DOCK5: variants seen among roughly 807,000 people sequenced by gnomAD.
DOCK5 encodes dedicator of cytokinesis 5.
Under a neutral mutation model 251.8 loss-of-function variants are expected in DOCK5, and 142 were observed. That is an observed-to-expected ratio of 0.56 (90% CI 0.49 to 0.65). DOCK5 has a LOEUF of 0.65. Ranked by LOEUF, DOCK5 falls within the 30% of genes least tolerant of loss-of-function variation. DOCK5 has a pLI of 0.00. For missense variants in DOCK5, 2,111 were observed against 2,312.3 expected, an observed-to-expected ratio of 0.91 and a Z score of 1.79; for synonymous variants, 842 against 835.5, an observed-to-expected ratio of 1.01 and a Z score of -0.13.
rs1166341399 is a variant in DOCK5 at position 25,324,608 on chromosome 8, TA to T, written c.1719+659del. ...AATCATTTTGGAAGGGATGGCAAGC[TA>T]ATTCTTCTTCCATCAACCCAATAAA... On this transcript the variant is annotated intron_variant, in intron 17 of 51. Transcript: ENST00000276440. Among the ~76,000 whole-genome samples, 3 of 152,378 alleles carry T rather than the reference TA, an allele frequency of 2.0e-5. No homozygotes were observed. In the East Asian group the frequency reaches 5.8e-4, roughly 29 times the overall value.
At chr8:25,244,304 C>T (rs937303075) in intron 2 of DOCK5, among the ~76,000 whole-genome samples, 1 of 152,202 alleles carries the variant, frequency 6.6e-6, no homozygotes, top group African/African-American at 2.4e-5. Context: ...GGCTGCGGGG[C>T]AGTACTTAGG....
At chr8:25,280,349 A>C (rs940241461) in intron 5 of DOCK5, among the ~76,000 whole-genome samples, 1 of 152,228 alleles carries the variant, frequency 6.6e-6, no homozygotes, top group African/African-American at 2.4e-5. Context: ...AATCTTAATA[A>C]GTTACTGGGA....
chr8:25,375,713 G>A lies in DOCK5; in HGVS notation c.3816+1059G>A, dbSNP rs560971601. 1.3e-5 allele frequency: 13 copies of A among 984,554 alleles called. No individual in the cohort carries two copies. In the East Asian group the frequency reaches 4.5e-4, roughly 34 times the overall value. The allele number at this position is 984,554 out of a possible 1,614,324, so 61.0% of individuals were successfully genotyped here. Reference sequence around the variant, plus strand: ...CTAAAGTAATATATGGGCATTGTCCGAACATATGAGTTAAAAATAGGATTC... The same window carrying A: ...CTAAAGTAATATATGGGCATTGTCCAAACATATGAGTTAAAAATAGGATTC... On this transcript the variant is annotated intron_variant, in intron 37 of 51. Coordinates refer to ENST00000276440, the MANE Select transcript of DOCK5 (RefSeq NM_024940.8).
chr8:25,407,698 C>T (rs1801546415), intron 48 of DOCK5, among the ~76,000 whole-genome samples: 1 of 151,204 alleles, frequency 6.6e-6, no homozygotes, highest in Non-Finnish European at 1.5e-5. Flanking sequence ...AGTTTGAGAC[C>T]AGCCTGGGCA....
Position 25,300,806 on chromosome 8 carries a change from T to A in DOCK5, c.846+149T>A, listed in dbSNP as rs1231851508. 11 of 796,696 alleles carry A rather than the reference T, an allele frequency of 1.4e-5. No individual in the cohort carries two copies. The South Asian group carries it at 2.2e-4, about 16-fold the overall frequency. 49.4% of individuals were successfully genotyped at this position (796,696 alleles called of 1,614,324 possible). Reference sequence around the variant, plus strand: ...GAATAACCCACCCATTTATTCAACATGTACTTCAATGCCAGGCACTGATTT... The same window carrying A: ...GAATAACCCACCCATTTATTCAACAAGTACTTCAATGCCAGGCACTGATTT... On this transcript the variant is annotated intron_variant, in intron 9 of 51. Transcript: ENST00000276440.
rs185833553 is a variant in DOCK5, at chr8:25,222,904, C to T, written c.44-20770C>T. 4.6e-5 allele frequency among the ~76,000 whole-genome samples: 7 copies of T among 152,330 alleles called. No homozygotes were observed. The East Asian group carries it at 1.4e-3, about 30-fold the overall frequency. ...GTGCCCTTGGCAGCTACGTCGCCAG[C>T]AGATGACACCCCAAGTAATGCCCTT... On this transcript the variant is annotated intron_variant, in intron 1 of 51. Transcript: ENST00000276440.
At chr8:25,340,359 A>G (rs1269216559) in intron 22 of DOCK5, among the ~76,000 whole-genome samples, 1 of 152,196 alleles carries the variant, frequency 6.6e-6, no homozygotes, top group Non-Finnish European at 1.5e-5. Flanking sequence ...GTGTGCATGA[A>G]ATTTTGAATT....
At chr8:25,277,877 G>A (rs1193740644) in intron 4 of DOCK5, among the ~76,000 whole-genome samples, 2 of 152,072 alleles carry the variant, frequency 1.3e-5, no homozygotes, top group African/African-American at 4.8e-5. Flanking sequence ...ATTGAGCCTG[G>A]CAGTCCTACC....
rs1801390647 is a variant in DOCK5, at chr8:25,184,905, C to G, written c.-4C>G. The G allele has an allele frequency of 1.4e-6, 2 of 1,418,758 alleles. No homozygotes were observed. Among genetic ancestry groups the G allele is most frequent in the Admixed American group, 5.2e-5 (2 of 38,320 alleles). 87.9% of individuals were successfully genotyped at this position (1,418,758 alleles called of 1,614,324 possible). ...CGCCGCCGCCGCGGGGCGAGGTCGC[C>G]GCCATGGCCCGCTGGATCCCGACCA... On this transcript the variant is annotated 5_prime_UTR_variant, in exon 1 of 52. Transcript: ENST00000276440.
intron 22 of DOCK5, among the ~76,000 whole-genome samples, chr8:25,339,182 C>T (rs900290805): frequency 1.3e-5 from 2 of 152,178 alleles, no homozygotes; most frequent in African/African-American, 4.8e-5. Context: ...CCTGGGCCCC[C>T]TGTTGCCTTC....
intron 1 of DOCK5, among the ~76,000 whole-genome samples, chr8:25,194,535 C>CTGA (rs1281941757): frequency 1.3e-5 from 2 of 152,104 alleles, no homozygotes; most frequent in African/African-American, 4.8e-5. Context: ...CTTTATCTAC[C>CTGA]TGATAACAAG....
At chr8:25,278,290 C>G (rs990374517) in intron 4 of DOCK5, among the ~76,000 whole-genome samples, 9 of 149,648 alleles carry the variant, frequency 6.0e-5, no homozygotes, top group Non-Finnish European at 1.0e-4. Flanking sequence ...CAGCCTGGCT[C>G]AGTAATCGAG....
At chr8:25,229,080 A>T (rs1036015034) in intron 1 of DOCK5, among the ~76,000 whole-genome samples, 1 of 152,114 alleles carries the variant, frequency 6.6e-6, no homozygotes, top group Non-Finnish European at 1.5e-5. Context: ...AAAAAAAAAA[A>T]AAAAAATTGT....
chr8:25,396,763 C>CGTGTGTGTGTGTGTGTGTGT (rs5890230), intron 45 of DOCK5, among the ~76,000 whole-genome samples: 24 of 147,210 alleles, frequency 1.6e-4, no homozygotes, highest in African/African-American at 6.1e-4. Context: ...CTCTTGTGTC[C>CGTGTGTGTGTGTGTGTGTGT]GTGTGTGTGT....
At chr8:25,379,491 T>G (rs1486719954) in intron 38 of DOCK5, among the ~76,000 whole-genome samples, 5 of 152,162 alleles carry the variant, frequency 3.3e-5, no homozygotes, top group Non-Finnish European at 7.4e-5. Context: ...TTGTCTTCCC[T>G]TGTTCCCAAA....
intron 40 of DOCK5, among the ~76,000 whole-genome samples, chr8:25,386,357 T>C (rs939722568): frequency 6.6e-6 from 1 of 151,798 alleles, no homozygotes; most frequent in African/African-American, 2.4e-5. Context: ...AAGGCAGGAG[T>C]CTTGCTTGAG....
At chr8:25,361,729 G>A (rs781533426) in intron 28 of DOCK5, among the ~76,000 whole-genome samples, 2 of 152,138 alleles carry the variant, frequency 1.3e-5, no homozygotes, top group Non-Finnish European at 2.9e-5. Context: ...ATAAAACCAG[G>A]GGAGAATCCA....
intron 1 of DOCK5, among the ~76,000 whole-genome samples, chr8:25,226,009 A>T (rs1171381526): frequency 3.9e-5 from 6 of 152,186 alleles, no homozygotes; most frequent in African/African-American, 1.2e-4. Flanking sequence ...TGAACTGTAC[A>T]ATTGAAAATG....
intron 5 of DOCK5, among the ~76,000 whole-genome samples, chr8:25,280,557 T>C (rs1452177820): frequency 2.6e-5 from 4 of 152,216 alleles, no homozygotes; most frequent in Admixed American, 1.3e-4. Context: ...TTCAAGACCT[T>C]GTTTAGACGC....
Sources: gnomAD v4.1 joint callset for allele counts (sites outside exome capture counted in the v4.1 genomes callset) on GRCh38, gnomAD v4.1.1 for gene constraint, MANE v1.5 for transcripts, NCBI Gene and HGNC (gene_info 2026-07-23, HGNC 2026-07-21) for gene names.